Variants in MOCS2 observed in about 807,000 individuals in gnomAD.
MOCS2 encodes molybdopterin synthase catalytic subunit.
MOCS2 carries 13 observed loss-of-function variants against 21.9 expected under a neutral mutation model. The observed-to-expected ratio is 0.59, with a 90% CI of 0.39 to 0.94. The LOEUF is 0.94. MOCS2 is among the 40% of genes least tolerant of loss of function. The probability of loss-of-function intolerance (pLI) is 0.00; values close to 1 mark genes in which losing one functional copy is unlikely to be tolerated. For synonymous variants in MOCS2, 92 were observed against 80.8 expected, an observed-to-expected ratio of 1.14 and a Z score of -0.74; for missense variants, 227 against 218.3, an observed-to-expected ratio of 1.04 and a Z score of -0.25.
At chr5:53,105,313 C>G (rs559559063) in intron 3 of MOCS2, among the ~76,000 whole-genome samples, 6 of 151,990 alleles carry the variant, frequency 3.9e-5, no homozygotes, top group Non-Finnish European at 5.9e-5. Context: ...TTACACTACC[C>G]AACTTCAAAC....
chr5:53,102,242 A>G lies in MOCS2; in HGVS notation c.99-18T>C. On this transcript the variant is annotated intron_variant, in intron 3 of 6. Coordinates refer to ENST00000396954, the MANE Select transcript of MOCS2 (RefSeq NM_004531.5). ...TATCTTTCCTAGAAATAATACATTA[A>G]CAAACCTTAACAGAAGTCCTAGGGG... 1.9e-6 allele frequency: 3 copies of G among 1,607,100 alleles called. No homozygotes were observed. Among genetic ancestry groups the G allele is most frequent in the Non-Finnish European group, 2.6e-6 (3 of 1,174,688 alleles).
At chr5:53,106,066 G>C (rs773816655) in intron 3 of MOCS2, among the ~76,000 whole-genome samples, 5 of 152,108 alleles carry the variant, frequency 3.3e-5, no homozygotes, top group Non-Finnish European at 7.3e-5. Context: ...TAAAATAACA[G>C]ATGCTGGCGA....
rs1001978110 is a variant in MOCS2, at chr5:53,102,277, C to G, written c.99-53G>C. On this transcript the variant is annotated intron_variant, in intron 3 of 6. Transcript: ENST00000396954. The stretch of plus-strand genomic sequence containing the variant: ...ACAGAAGTCCTAGGGGTAAAACACT[C>G]AACAACTTATAGGCTCTTTCAATTT... 5 of 1,529,580 alleles carry G rather than the reference C, an allele frequency of 3.3e-6. No homozygotes were observed. The African/African-American group carries it at 6.8e-5, about 21-fold the overall frequency. 94.8% of individuals were successfully genotyped at this position (1,529,580 alleles called of 1,614,324 possible). A position where few individuals can be genotyped will look rare whatever the true frequency, so the allele number is the denominator to read the frequency against.
chr5:53,108,551 C>T lies in MOCS2; in HGVS notation c.-77G>A. 1 of 1,613,648 alleles carries T rather than the reference C, an allele frequency of 6.2e-7. No homozygotes were observed. The highest frequency in any genetic ancestry group is 8.5e-7 in the Non-Finnish European group (1 of 1,179,764). The stretch of plus-strand genomic sequence containing the variant: ...GATGTCGAGTTTCTATCTCCTTCCA[C>T]AGCTGCAACGCTTTTATTTCTTGAG... On this transcript the variant is annotated 5_prime_UTR_variant, in exon 2 of 7. The change creates a new upstream start codon in the 5' untranslated region. Coordinates refer to ENST00000396954, the MANE Select transcript of MOCS2 (RefSeq NM_004531.5).
chr5:53,103,966 T>C (rs1242576837), intron 3 of MOCS2, among the ~76,000 whole-genome samples: 1 of 152,220 alleles, frequency 6.6e-6, no homozygotes, highest in Non-Finnish European at 1.5e-5. Flanking sequence ...CTGGGCAGGC[T>C]GAGGCTGGAC....
rs778373914 is a variant in MOCS2, at chr5:53,098,690, G to C, written c.502-23C>G. ...TTCCTAAAAAACAAAATCATAACAG[G>C]TATTAAAAATAGACCATTCTACTAT... is the stretch of plus-strand genomic sequence containing the variant. On this transcript the variant is annotated intron_variant, in intron 6 of 6. Coordinates refer to ENST00000396954, the MANE Select transcript of MOCS2 (RefSeq NM_004531.5). 1.9e-6 allele frequency: 3 copies of C among 1,550,294 alleles called. No individual in the cohort carries two copies. The African/African-American group carries it at 4.1e-5, about 21-fold the overall frequency.
chr5:53,098,849 T>C (rs1306519045), intron 6 of MOCS2, 182 bp from the exon 7 acceptor site: 1 of 607,310 alleles, frequency 1.6e-6, no homozygotes, highest in African/African-American at 1.9e-5. Context: ...TCTTTAGTTT[T>C]AAACATTTTT....
At chr5:53,107,283 C>T in intron 2 of MOCS2, 62 bp from the exon 3 acceptor site, 1 of 1,461,640 alleles carries the variant, frequency 6.8e-7, no homozygotes, top group Admixed American at 2.0e-5. Flanking sequence ...ATCGCTTCAG[C>T]TGCAATTAGA....
At chr5:53,099,935 A>G (rs536694312) in intron 6 of MOCS2, among the ~76,000 whole-genome samples, 13 of 152,318 alleles carry the variant, frequency 8.5e-5, no homozygotes, top group African/African-American at 3.1e-4. Flanking sequence ...AAAACATGCC[A>G]GAAGTTCCTA....
intron 3 of MOCS2, among the ~76,000 whole-genome samples, chr5:53,105,264 C>T (rs936481789): frequency 6.6e-6 from 1 of 151,978 alleles, no homozygotes; most frequent in African/African-American, 2.4e-5. Context: ...CTTTTGAAAA[C>T]CTCTTGAATC....
chr5:53,107,215 A>G lies in MOCS2; in HGVS notation c.-41T>C. ...CAAATATTATCTGATTTCTAACATC[A>G]GCCAATCTAAAGGGGAAAAAATATG... On this transcript the variant is annotated 5_prime_UTR_variant, in exon 3 of 7. Coordinates refer to ENST00000396954, the MANE Select transcript of MOCS2 (RefSeq NM_004531.5). 6.2e-7 allele frequency: 1 copy of G among 1,612,980 alleles called. No homozygotes were observed. Among genetic ancestry groups the G allele is most frequent in the Middle Eastern group, 1.6e-4 (1 of 6,062 alleles).
intron 2 of MOCS2, chr5:53,107,479 C>T (rs933271241): frequency 7.6e-5 from 34 of 449,584 alleles, no homozygotes; most frequent in African/African-American, 6.1e-4. Flanking sequence ...CAAAAAAATG[C>T]ACAAAAAACC....
Position 53,109,364 on chromosome 5 carries a change from C to T in MOCS2, c.-283G>A. The T allele has an allele frequency of 8.7e-7, 1 of 1,145,660 alleles. No homozygotes were observed. The highest frequency in any genetic ancestry group is 1.1e-6 in the Non-Finnish European group (1 of 933,064). 71.0% of individuals were successfully genotyped at this position (1,145,660 alleles called of 1,614,324 possible). On this transcript the variant is annotated 5_prime_UTR_variant, in exon 1 of 7. The change abolishes an upstream ATG in the 5' untranslated region. Coordinates refer to ENST00000396954, the MANE Select transcript of MOCS2 (RefSeq NM_004531.5). ...CTTCACAAGAATTCTCCATGAGGTG[C>T]ATTTCTTTTTAGATTAAAATTTTAG...
At chr5:53,100,105 C>G (rs1740866685) in intron 6 of MOCS2, among the ~76,000 whole-genome samples, 1 of 152,092 alleles carries the variant, frequency 6.6e-6, no homozygotes, top group Non-Finnish European at 1.5e-5. Flanking sequence ...TTCTCACTCT[C>G]CAACAGAAAG....
At chr5:53,105,796 A>G (rs1741034594) in intron 3 of MOCS2, among the ~76,000 whole-genome samples, 1 of 152,234 alleles carries the variant, frequency 6.6e-6, no homozygotes, top group Non-Finnish European at 1.5e-5. Flanking sequence ...TAGACAACCT[A>G]CCGAATGGGA....
chr5:53,106,894 T>C (rs946130227), intron 3 of MOCS2, among the ~76,000 whole-genome samples, 183 bp downstream of exon 3: 3 of 152,188 alleles, frequency 2.0e-5, no homozygotes, highest in African/African-American at 4.8e-5. Flanking sequence ...TACAATAGAC[T>C]TGATGCAGAA....
At chr5:53,098,919 A>G (rs564604320) in intron 6 of MOCS2, among the ~76,000 whole-genome samples, 1 of 152,288 alleles carries the variant, frequency 6.6e-6, no homozygotes, top group African/African-American at 2.4e-5. Context: ...CCAAAGGCAG[A>G]TATCTTCATT....
At position 53,108,895 on chromosome 5, in the gene MOCS2, T is replaced by A. The variant is rs1289603617; in HGVS notation, c.-169-252A>T. Among the ~76,000 whole-genome samples the A allele has an allele frequency of 2.6e-5, 4 of 152,358 alleles. No individual in the cohort carries two copies. In the South Asian group the frequency reaches 8.3e-4, roughly 32 times the overall value. On this transcript the variant is annotated intron_variant, in intron 1 of 6. Coordinates refer to ENST00000396954, the MANE Select transcript of MOCS2 (RefSeq NM_004531.5). ...AAACTTAAGTGTGCCATCATTAAAA[T>A]CCTAAGTATTTATCTTCTAGGAAAA... is the stretch of plus-strand genomic sequence containing the variant.
intron 6 of MOCS2, among the ~76,000 whole-genome samples, chr5:53,099,012 T>C (rs1740833131): frequency 1.3e-5 from 2 of 152,226 alleles, no homozygotes; most frequent in South Asian, 4.1e-4. Context: ...CTTTGACATA[T>C]GCACTCTACC....
Sources: gnomAD v4.1 joint callset for allele counts (sites outside exome capture counted in the v4.1 genomes callset) on GRCh38, gnomAD v4.1.1 for gene constraint, MANE v1.5 for transcripts, NCBI Gene and HGNC (gene_info 2026-07-23, HGNC 2026-07-21) for gene names.